MDFIC2: variants seen among roughly 807,000 people sequenced by gnomAD.
MDFIC2 encodes myoD family inhibitor domain-containing protein 2.
intron 2 of MDFIC2, among the ~76,000 whole-genome samples, chr3:70,243,287 A>T (rs978024300): frequency 2.0e-5 from 3 of 151,974 alleles, no homozygotes; most frequent in South Asian, 4.2e-4. Context: ...GGCCTTTGAA[A>T]TGTCTTCTAT....
At chr3:70,243,184 C>T (rs1160048739) in intron 2 of MDFIC2, among the ~76,000 whole-genome samples, 4 of 152,188 alleles carry the variant, frequency 2.6e-5, no homozygotes, top group African/African-American at 9.6e-5. Flanking sequence ...GGCTCATGAA[C>T]ATCTTGTTAA....
intron 2 of MDFIC2, among the ~76,000 whole-genome samples, chr3:70,283,258 T>C (rs990719897): frequency 6.6e-6 from 1 of 152,068 alleles, no homozygotes; most frequent in Admixed American, 6.6e-5. Context: ...TGTAAACTCA[T>C]GCAGTCCTCT....
chr3:70,245,886 A>G (rs916480657), intron 2 of MDFIC2, among the ~76,000 whole-genome samples: 5 of 151,142 alleles, frequency 3.3e-5, no homozygotes, highest in African/African-American at 1.2e-4. Context: ...GCCATTGCCA[A>G]TTTAGGACAC....
chr3:70,291,096 T>A (rs1575617448), intron 2 of MDFIC2: 1 of 152,288 alleles, frequency 6.6e-6, no homozygotes, highest in African/African-American at 2.4e-5. Context: ...AGCTACTTAT[T>A]TTTTTATGAA....
intron 2 of MDFIC2, among the ~76,000 whole-genome samples, chr3:70,254,393 C>T (rs79854349): frequency 0.023 from 3,554 of 152,154 alleles, 167 homozygotes; most frequent in African/African-American, 0.081. Context: ...ACAAGTTGTA[C>T]ATTATTATAA....
intron 2 of MDFIC2, among the ~76,000 whole-genome samples, chr3:70,233,050 A>G (rs1030738991): frequency 3.3e-5 from 5 of 152,162 alleles, no homozygotes; most frequent in African/African-American, 4.8e-5. Flanking sequence ...TTAGCCGGAC[A>G]TGGTGGCATG....
At chr3:70,281,080 A>G (rs532280633) in intron 2 of MDFIC2, among the ~76,000 whole-genome samples, 4 of 152,186 alleles carry the variant, frequency 2.6e-5, no homozygotes, top group African/African-American at 7.2e-5. Flanking sequence ...TAAATTTTGT[A>G]TGCCTTTTCT....
At chr3:70,280,062 C>T (rs1255827874) in intron 2 of MDFIC2, among the ~76,000 whole-genome samples, 2 of 152,150 alleles carry the variant, frequency 1.3e-5, no homozygotes, top group East Asian at 1.9e-4. Context: ...ATCAAGGTGT[C>T]AGCAAGGCTG....
At chr3:70,232,407 T>C (rs1701568055) in intron 2 of MDFIC2, among the ~76,000 whole-genome samples, 1 of 151,600 alleles carries the variant, frequency 6.6e-6, no homozygotes, top group African/African-American at 2.4e-5. Flanking sequence ...TGTTCCTATT[T>C]TTTTTTTTTT....
At chr3:70,233,889 T>C (rs12488597) in intron 2 of MDFIC2, among the ~76,000 whole-genome samples, 5,999 of 152,250 alleles carry the variant, frequency 0.039, 186 homozygotes, top group South Asian at 0.11. Flanking sequence ...ATCCACCCAA[T>C]TGAAGGATAT....
chr3:70,277,205 G>C (rs1262760129), intron 2 of MDFIC2, among the ~76,000 whole-genome samples: 1 of 152,102 alleles, frequency 6.6e-6, no homozygotes, highest in South Asian at 2.1e-4. Context: ...AACATAGCCC[G>C]TATCTCCAGC....
intron 2 of MDFIC2, among the ~76,000 whole-genome samples, chr3:70,237,627 A>G (rs1488404842): frequency 3.9e-5 from 6 of 152,236 alleles, no homozygotes; most frequent in Admixed American, 3.9e-4. Context: ...TCCTACATAT[A>G]GTAAACTTGG....
intron 2 of MDFIC2, chr3:70,283,627 A>G (rs1702111085): frequency 6.6e-6 from 1 of 152,050 alleles, no homozygotes; most frequent in Non-Finnish European, 1.5e-5. Flanking sequence ...GGGCAGATTA[A>G]AGGGATTCAT....
intron 2 of MDFIC2, among the ~76,000 whole-genome samples, chr3:70,238,197 G>A (rs1169700605): frequency 6.6e-6 from 1 of 151,712 alleles, no homozygotes; most frequent in Non-Finnish European, 1.5e-5. Context: ...CACCAATCCA[G>A]GCGTTCCCTG....
intron 2 of MDFIC2, among the ~76,000 whole-genome samples, chr3:70,301,724 C>T (rs1702350564): frequency 6.6e-6 from 1 of 151,924 alleles, no homozygotes; most frequent in South Asian, 2.1e-4. Flanking sequence ...TTGATACATT[C>T]TTAATTCTCA....
At chr3:70,229,757 G>C (rs1487072914) in intron 2 of MDFIC2, among the ~76,000 whole-genome samples, 1 of 152,100 alleles carries the variant, frequency 6.6e-6, no homozygotes, top group African/African-American at 2.4e-5. Context: ...AAGCAACCTA[G>C]GGATATCTAT....
intron 2 of MDFIC2, among the ~76,000 whole-genome samples, chr3:70,210,738 C>A (rs754965595): frequency 4.0e-5 from 6 of 151,660 alleles, no homozygotes; most frequent in Non-Finnish European, 8.8e-5. Flanking sequence ...TAGTTAAAAA[C>A]AAACCAAAAT....
chr3:70,236,280 T>G (rs1701608020), intron 2 of MDFIC2, among the ~76,000 whole-genome samples: 1 of 152,224 alleles, frequency 6.6e-6, no homozygotes, highest in African/African-American at 2.4e-5. Context: ...GACATCACTT[T>G]GAGACTTTAA....
At position 70,311,896 on chromosome 3, in the gene MDFIC2, C is replaced by G; in HGVS notation, c.78G>C (p.Trp26Cys). 2.5e-6 allele frequency: 1 copy of G among 397,764 alleles called. No homozygotes were observed. Among genetic ancestry groups the G allele is most frequent in the Non-Finnish European group, 4.4e-6 (1 of 225,592 alleles). 24.6% of individuals were successfully genotyped at this position (397,764 alleles called of 1,614,324 possible). The change falls in exon 2 of 4, where the codon TGG becomes TGC. Residue 26 changes from tryptophan to cysteine, a missense_variant. Trp to Cys is a radical substitution (Grantham distance 215). Coordinates refer to ENST00000567252, the MANE Select transcript of MDFIC2 (RefSeq NM_001364677.1). Reference sequence around the variant, plus strand: ...AGCAAGAAGACTTACCTTCTTTCAACCAAGAAATGTTATTTTTATCATTTT... The same window carrying G: ...AGCAAGAAGACTTACCTTCTTTCAAGCAAGAAATGTTATTTTTATCATTTT... The part of the protein sequence containing the change: ...HLENDKNNIS[W>C]LKEDTQLTNA...
Sources: allele counts gnomAD v4.1 joint callset (sites outside exome capture counted in the v4.1 genomes callset), GRCh38; gene constraint gnomAD v4.1.1; transcripts MANE v1.5; gene names NCBI Gene and HGNC (gene_info 2026-07-23, HGNC 2026-07-21).